LRRC4C: variants seen among roughly 807,000 people sequenced by gnomAD.
LRRC4C encodes the protein leucine rich repeat containing 4C.
Under a neutral mutation model 33.6 loss-of-function variants are expected in LRRC4C, and 5 were observed. The ratio of observed to expected loss-of-function variants is 0.15; its 90% CI spans 0.08 to 0.31. LRRC4C has a LOEUF of 0.31. LRRC4C is among the 10% of genes least tolerant of loss of function. The probability of loss-of-function intolerance (pLI) is 1.00; values close to 1 mark genes in which losing one functional copy is unlikely to be tolerated. For missense variants in LRRC4C, 560 were observed against 796.7 expected (o/e 0.70, Z 3.58); for synonymous variants, 329 against 302.0 (o/e 1.09, Z -0.93).
chr11:40,546,344 A>G (rs866444567), intron 3 of LRRC4C, among the ~76,000 whole-genome samples: 2 of 152,038 alleles, frequency 1.3e-5, no homozygotes, highest in Admixed American at 6.6e-5. Flanking sequence ...ACCAGATACT[A>G]TGCTAGGTAC....
chr11:41,325,601 G>GTA (rs1951093361), intron 1 of LRRC4C, among the ~76,000 whole-genome samples: 6 of 144,432 alleles, frequency 4.2e-5, no homozygotes, highest in African/African-American at 1.6e-4. Flanking sequence ...GTGTGTGTGT[G>GTA]TGTGTGTGTG....
intron 1 of LRRC4C, among the ~76,000 whole-genome samples, chr11:40,947,247 T>C (rs1958444533): frequency 6.6e-6 from 1 of 152,292 alleles, no homozygotes; most frequent in Non-Finnish European, 1.5e-5. Flanking sequence ...TGATTCCCAA[T>C]TGTAAAACGA....
At chr11:40,576,101 A>AT (rs1958179676) in intron 3 of LRRC4C, among the ~76,000 whole-genome samples, 1 of 152,136 alleles carries the variant, frequency 6.6e-6, no homozygotes, top group Non-Finnish European at 1.5e-5. Flanking sequence ...ACCCTTAAAT[A>AT]TTTTTCTGTT....
chr11:41,184,696 A>T (rs534384723), intron 1 of LRRC4C, among the ~76,000 whole-genome samples: 1 of 152,174 alleles, frequency 6.6e-6, no homozygotes, highest in Non-Finnish European at 1.5e-5. Context: ...CCAAGTTCCA[A>T]AGTTGCTTCC....
intron 1 of LRRC4C, among the ~76,000 whole-genome samples, chr11:41,361,007 T>G (rs533594985): frequency 1.3e-5 from 2 of 152,184 alleles, no homozygotes; most frequent in Non-Finnish European, 2.9e-5. Flanking sequence ...CACTACACAA[T>G]ATAAATGATT....
At chr11:40,710,273 CT>C in intron 2 of LRRC4C, among the ~76,000 whole-genome samples, 1 of 152,140 alleles carries the variant, frequency 6.6e-6, no homozygotes, top group East Asian at 1.9e-4. Context: ...ATGGGACTCT[CT>C]GGTTTTTAGA....
At chr11:41,289,920 C>T (rs1025893350) in intron 1 of LRRC4C, among the ~76,000 whole-genome samples, 1 of 152,086 alleles carries the variant, frequency 6.6e-6, no homozygotes, top group Non-Finnish European at 1.5e-5. Flanking sequence ...TACAATACTG[C>T]CTTTACATAA....
At chr11:40,830,549 T>C (rs1023818664) in intron 2 of LRRC4C, among the ~76,000 whole-genome samples, 1 of 152,036 alleles carries the variant, frequency 6.6e-6, no homozygotes, top group African/African-American at 2.4e-5. Flanking sequence ...AGTTAAACAG[T>C]TAATAAGTTC....
chr11:40,747,048 T>G (rs1363193958), intron 2 of LRRC4C, among the ~76,000 whole-genome samples: 1 of 152,192 alleles, frequency 6.6e-6, no homozygotes, highest in Admixed American at 6.5e-5. Flanking sequence ...TGAATCATCC[T>G]GCCTTTACCA....
At chr11:40,368,756 T>A (rs1421893946) in intron 3 of LRRC4C, among the ~76,000 whole-genome samples, 1 of 152,144 alleles carries the variant, frequency 6.6e-6, no homozygotes, top group African/African-American at 2.4e-5. Context: ...TAAGTCCACC[T>A]TTAGTAGTGC....
chr11:41,002,321 T>A (rs1854440295), intron 1 of LRRC4C, among the ~76,000 whole-genome samples: 1 of 152,150 alleles, frequency 6.6e-6, no homozygotes, highest in South Asian at 2.1e-4. Flanking sequence ...GGCCATTGTG[T>A]TAACATAGGT....
chr11:40,391,230 G>A (rs1389176828), intron 3 of LRRC4C, among the ~76,000 whole-genome samples: 4 of 152,210 alleles, frequency 2.6e-5, no homozygotes, highest in Middle Eastern at 3.4e-3. Context: ...TCAAATATCA[G>A]CAACATTTCT....
chr11:40,729,691 T>G (rs188902784), intron 2 of LRRC4C, among the ~76,000 whole-genome samples: 2 of 152,286 alleles, frequency 1.3e-5, no homozygotes, highest in Admixed American at 1.3e-4. Context: ...CTTATGGACT[T>G]TAAAAATCTC....
rs188062806 is a variant in LRRC4C at position 40,328,210 on chromosome 11, T to C, written c.-269-8489A>G. ...TAGTTCAATATTCTATGCCACAGTA[T>C]TTTTATCTAAAGTGGAGTTAAATCT... On this transcript the variant is annotated intron_variant, in intron 3 of 6. Transcript: ENST00000528697. Among the ~76,000 whole-genome samples the C allele has an allele frequency of 5.3e-3, 812 of 152,286 alleles. 6 individuals carry two copies. Among genetic ancestry groups the C allele is most frequent in the African/African-American group, 0.019 (779 of 41,570 alleles).
intron 2 of LRRC4C, among the ~76,000 whole-genome samples, chr11:40,761,882 T>C (rs1334887933): frequency 6.6e-6 from 1 of 152,154 alleles, no homozygotes. Flanking sequence ...TGCAGAAACA[T>C]GTCTATTTTT....
intron 3 of LRRC4C, among the ~76,000 whole-genome samples, chr11:40,532,033 T>C (rs1466261894): frequency 6.8e-6 from 1 of 148,080 alleles, no homozygotes; most frequent in Non-Finnish European, 1.5e-5. Flanking sequence ...CCTTTTTATA[T>C]GCATTTTCTT....
chr11:40,510,958 A>T (rs1038854280), intron 3 of LRRC4C, among the ~76,000 whole-genome samples: 2 of 152,212 alleles, frequency 1.3e-5, no homozygotes, highest in African/African-American at 4.8e-5. Context: ...TGTTTCTAAG[A>T]CACAGGCACT....
intron 3 of LRRC4C, among the ~76,000 whole-genome samples, chr11:40,482,533 G>C (rs1953633401): frequency 6.6e-6 from 1 of 151,914 alleles, no homozygotes; most frequent in Non-Finnish European, 1.5e-5. Flanking sequence ...CAATGGCCCA[G>C]TGTCAGCTCA....
intron 4 of LRRC4C, among the ~76,000 whole-genome samples, chr11:40,270,073 C>T (rs1444039724): frequency 1.3e-5 from 2 of 152,096 alleles, no homozygotes; most frequent in Admixed American, 6.6e-5. Context: ...GGGGGACTGC[C>T]AAGCTGATAG....
Sources: gnomAD v4.1 joint callset for allele counts (sites outside exome capture counted in the v4.1 genomes callset) on GRCh38, gnomAD v4.1.1 for gene constraint, MANE v1.5 for transcripts, NCBI Gene and HGNC (gene_info 2026-07-23, HGNC 2026-07-21) for gene names.